The following TMEM108 variants were observed in gnomAD, a reference collection of about 807,000 sequenced individuals.
TMEM108 encodes the protein transmembrane protein 108.
A neutral mutation model predicts 35.1 loss-of-function variants in TMEM108; 12 were observed. The observed-to-expected ratio is 0.34, with a 90% CI of 0.22 to 0.55. TMEM108 has a LOEUF of 0.55. Among genes scored for constraint, TMEM108 ranks in the 20% least tolerant of loss-of-function variants. The pLI, the probability that TMEM108 is intolerant of heterozygous loss-of-function variation, is 0.89. For synonymous variants in TMEM108, 287 were observed against 308.6 expected, an observed-to-expected ratio of 0.93 and a Z score of 0.73; for missense variants, 680 against 753.3, an observed-to-expected ratio of 0.90 and a Z score of 1.14.
chr3:133,350,733 C>T (rs2071968814), intron 3 of TMEM108, among the ~76,000 whole-genome samples: 1 of 151,958 alleles, frequency 6.6e-6, no homozygotes, highest in African/African-American at 2.4e-5. Flanking sequence ...TCCAGGAACC[C>T]CTGGGAATGG....
At chr3:133,158,968 C>T (rs572089657) in intron 2 of TMEM108, among the ~76,000 whole-genome samples, 5 of 152,322 alleles carry the variant, frequency 3.3e-5, no homozygotes, top group African/African-American at 1.2e-4. Context: ...TAAAAATTCC[C>T]ACTCTTTCCC....
intron 3 of TMEM108, among the ~76,000 whole-genome samples, chr3:133,313,339 A>C (rs1204604623): frequency 6.6e-6 from 1 of 151,960 alleles, no homozygotes; most frequent in East Asian, 1.9e-4. Context: ...CTGGGACTAC[A>C]GTTGCCCACC....
intron 3 of TMEM108, among the ~76,000 whole-genome samples, chr3:133,326,632 G>A (rs2071336900): frequency 6.6e-6 from 1 of 152,108 alleles, no homozygotes; most frequent in Admixed American, 6.5e-5. Flanking sequence ...TCTATAGTGG[G>A]AGTGACTGAC....
intron 2 of TMEM108, among the ~76,000 whole-genome samples, chr3:133,089,233 C>T (rs1206189894): frequency 6.6e-6 from 1 of 152,150 alleles, no homozygotes; most frequent in African/African-American, 2.4e-5. Context: ...GAGATTTGGG[C>T]AGGGACACAG....
chr3:133,340,027 T>C (rs946986255), intron 3 of TMEM108, among the ~76,000 whole-genome samples: 3 of 151,052 alleles, frequency 2.0e-5, no homozygotes, highest in Non-Finnish European at 3.0e-5. Flanking sequence ...CGACCTAATA[T>C]TACATCTTAA....
chr3:133,263,695 C>A (rs1946656797), intron 3 of TMEM108, among the ~76,000 whole-genome samples: 1 of 152,070 alleles, frequency 6.6e-6, no homozygotes, highest in Admixed American at 6.5e-5. Flanking sequence ...ACAGATAATC[C>A]CAAAACTATG....
intron 2 of TMEM108, among the ~76,000 whole-genome samples, chr3:133,155,558 T>C (rs535215566): frequency 5.3e-5 from 8 of 152,184 alleles, no homozygotes; most frequent in African/African-American, 1.7e-4. Flanking sequence ...CTGACTGATA[T>C]GAGATGGTAT....
intron 2 of TMEM108, among the ~76,000 whole-genome samples, chr3:133,057,438 T>C (rs1302801786): frequency 2.9e-3 from 8 of 2,736 alleles, no homozygotes; most frequent in African/African-American, 4.5e-3. Context: ...TGTGTGTGTA[T>C]ATATATATAT....
At chr3:133,053,853 C>A (rs1006167927) in intron 2 of TMEM108, among the ~76,000 whole-genome samples, 1 of 152,126 alleles carries the variant, frequency 6.6e-6, no homozygotes, top group African/African-American at 2.4e-5. Flanking sequence ...TTTATCGTTC[C>A]CACAACCTAA....
chr3:133,059,728 G>C (rs1344087310), intron 2 of TMEM108, among the ~76,000 whole-genome samples: 1 of 152,030 alleles, frequency 6.6e-6, no homozygotes, highest in Non-Finnish European at 1.5e-5. Flanking sequence ...CTGTTACTTA[G>C]GTTCTCCATT....
intron 2 of TMEM108, among the ~76,000 whole-genome samples, chr3:133,106,591 A>G (rs189475283): frequency 1.7e-4 from 26 of 152,362 alleles, no homozygotes; most frequent in South Asian, 6.2e-4. Flanking sequence ...AATAAGATGT[A>G]GAAATAATGA....
intron 3 of TMEM108, among the ~76,000 whole-genome samples, chr3:133,234,757 T>C (rs1259729467): frequency 2.6e-5 from 4 of 152,088 alleles, no homozygotes; most frequent in Admixed American, 1.3e-4. Flanking sequence ...TCAGGGCAAT[T>C]AGGCAGGAGA....
chr3:133,102,111 A>G (rs1349245714), intron 2 of TMEM108, among the ~76,000 whole-genome samples: 1 of 152,232 alleles, frequency 6.6e-6, no homozygotes, highest in African/African-American at 2.4e-5. Flanking sequence ...TCGCACAAAC[A>G]TATTGAGAAC....
At position 133,395,866 on chromosome 3, in the gene TMEM108, C is replaced by T; in HGVS notation, c.1608C>T (p.Asp536=). The T allele has an allele frequency of 8.2e-6, 13 of 1,582,882 alleles. No individual in the cohort carries two copies. The highest frequency in any genetic ancestry group is 1.1e-5 in the Non-Finnish European group (13 of 1,165,404). ...REIQSLETSE[D]QLSEPRSPAN... is the part of the protein sequence containing the mutation. ...ATCTCCTCCCTCTCTCTTCCCAGGACCAGCTCTCAGAGCCCCGCTCCCCAG... is the reference window on the plus strand; with the variant it reads ...ATCTCCTCCCTCTCTCTTCCCAGGATCAGCTCTCAGAGCCCCGCTCCCCAG... Residue 536 remains aspartate (D), a splice_region_variant and synonymous_variant, in exon 6 of 6, where the codon GAC becomes GAT. Coordinates refer to ENST00000321871, the MANE Select transcript of TMEM108 (RefSeq NM_023943.4).
intron 2 of TMEM108, among the ~76,000 whole-genome samples, chr3:133,132,489 C>T: frequency 6.6e-6 from 1 of 152,168 alleles, no homozygotes. Flanking sequence ...GCATGGTTTA[C>T]TGAACGACTT....
chr3:133,094,690 T>C lies in TMEM108; in HGVS notation c.-47+48670T>C, dbSNP rs973134670. Among the ~76,000 whole-genome samples, 7 of 152,360 alleles carry C rather than the reference T, an allele frequency of 4.6e-5. No homozygotes were observed. In the East Asian group the frequency reaches 1.4e-3, roughly 29 times the overall value. On this transcript the variant is annotated intron_variant, in intron 2 of 5. Transcript: ENST00000321871. The stretch of plus-strand genomic sequence containing the variant: ...AGTTAGCAGTTTCTCAGCCACCTTT[T>C]CCACTTGTCTTGTTTGTATTCTAGC...
chr3:133,207,373 C>T (rs1945772808), intron 2 of TMEM108, among the ~76,000 whole-genome samples: 2 of 151,914 alleles, frequency 1.3e-5, no homozygotes, highest in East Asian at 3.9e-4. Flanking sequence ...CAGAAGTCAC[C>T]CGCCTTCTGC....
intron 2 of TMEM108, among the ~76,000 whole-genome samples, chr3:133,135,348 C>T (rs1156470893): frequency 3.3e-5 from 5 of 152,102 alleles, no homozygotes; most frequent in Non-Finnish European, 7.4e-5. Context: ...GTGTTGAGAG[C>T]ACAGAGAGGG....
rs1305957842 is a variant in TMEM108 at position 133,380,115 on chromosome 3, G to C, written c.404G>C (p.Gly135Ala). 6.2e-7 allele frequency: 1 copy of C among 1,613,762 alleles called. No individual in the cohort carries two copies. The highest frequency in any genetic ancestry group is 1.3e-5 in the African/African-American group (1 of 74,864). Reference sequence around the variant, plus strand: ...TCCAAGCCAGAGGGCCGCCCTCGAGGGCAGGCTGCCCCCACCATCCTGCTG... The same window carrying C: ...TCCAAGCCAGAGGGCCGCCCTCGAGCGCAGGCTGCCCCCACCATCCTGCTG... Reference protein sequence around the residue: ...TSSKPEGRPRGQAAPTILLTK... With the variant: ...TSSKPEGRPRAQAAPTILLTK... The change falls in exon 4 of 6, where the codon GGG (glycine) becomes GCG (alanine). Residue 135 changes from glycine to alanine, a missense_variant. Around this residue, in one of 3 missense-constraint regions of TMEM108, gnomAD observed 526 missense variants for 532.1 expected, o/e 0.99. Coordinates refer to ENST00000321871, the MANE Select transcript of TMEM108 (RefSeq NM_023943.4). This position sits in a 1 kb window ranked among gnomAD's most constrained non-coding sequence, Gnocchi z 5.3.
Sources: gnomAD v4.1 joint callset for allele counts (sites outside exome capture counted in the v4.1 genomes callset) on GRCh38, gnomAD v4.1.1 for gene constraint, gnomAD v4.1.1 regional missense constraint, Gnocchi (gnomAD v3.1) non-coding constraint, MANE v1.5 for transcripts, NCBI Gene and HGNC (gene_info 2026-07-23, HGNC 2026-07-21) for gene names.